Variants in TAS2R1 observed in about 807,000 individuals in gnomAD.
TAS2R1 encodes taste 2 receptor member 1, also known as taste receptor type 2 member 1.
For missense variants in TAS2R1, 370 were observed against 353.4 expected (o/e 1.05, Z -0.38); for synonymous variants, 141 against 134.2 (o/e 1.05, Z -0.35).
At chr5:9,663,128 A>G (rs3846597) in intron 1 of TAS2R1, among the ~76,000 whole-genome samples, 27,946 of 152,118 alleles carry the variant, frequency 0.18, 2,828 homozygotes, top group African/African-American at 0.27. Context: ...TATTATATAT[A>G]AAAACTCATA....
chr5:9,636,936 G>C (rs1739974855), intron 2 of TAS2R1, among the ~76,000 whole-genome samples: 1 of 151,804 alleles, frequency 6.6e-6, no homozygotes, highest in Non-Finnish European at 1.5e-5. Context: ...ATAGTATTGA[G>C]ATGTGAGGTA....
At chr5:9,669,697 A>T (rs549448008) in intron 1 of TAS2R1, among the ~76,000 whole-genome samples, 34 of 152,126 alleles carry the variant, frequency 2.2e-4, no homozygotes, top group Non-Finnish European at 4.6e-4. Context: ...GAAATCAAGA[A>T]ATTCTTTGAA....
the TAS2R1 span, among the ~76,000 whole-genome samples, chr5:9,786,514 C>A: frequency 1.3e-5 from 2 of 152,146 alleles, no homozygotes; most frequent in African/African-American, 2.4e-5. Context: ...ATAGCACGTA[C>A]AATAACACGG....
chr5:9,798,721 A>T, the TAS2R1 span, among the ~76,000 whole-genome samples: 1 of 152,240 alleles, frequency 6.6e-6, no homozygotes, highest in African/African-American at 2.4e-5. Context: ...ACTTTACAAC[A>T]ATTAAATCAG....
At chr5:9,668,939 C>T (rs894542457) in intron 1 of TAS2R1, among the ~76,000 whole-genome samples, 3 of 151,958 alleles carry the variant, frequency 2.0e-5, no homozygotes, top group Admixed American at 1.3e-4. Flanking sequence ...TTTAAATGGG[C>T]TAAACACCTC....
At chr5:9,889,142 G>T in the TAS2R1 span, among the ~76,000 whole-genome samples, 1 of 152,164 alleles carries the variant, frequency 6.6e-6, no homozygotes, top group Non-Finnish European at 1.5e-5. Flanking sequence ...GCAGCACCAG[G>T]GAGGCAGGCA....
the TAS2R1 span, among the ~76,000 whole-genome samples, chr5:9,845,422 G>A: frequency 3.3e-5 from 5 of 152,182 alleles, no homozygotes; most frequent in Admixed American, 2.0e-4. Flanking sequence ...GATATTTGCT[G>A]GATAAATTTG....
chr5:9,750,301 C>T, the TAS2R1 span, among the ~76,000 whole-genome samples: 1 of 152,142 alleles, frequency 6.6e-6, no homozygotes, highest in Admixed American at 6.5e-5. Context: ...TGTAAGACCT[C>T]CCCAGAGTAC....
chr5:9,866,114 C>A, the TAS2R1 span, among the ~76,000 whole-genome samples: 3 of 152,148 alleles, frequency 2.0e-5, no homozygotes, highest in Non-Finnish European at 4.4e-5. Flanking sequence ...TAATATCTCT[C>A]TGGACATATT....
At chr5:9,771,801 T>C in the TAS2R1 span, among the ~76,000 whole-genome samples, 1 of 152,122 alleles carries the variant, frequency 6.6e-6, no homozygotes, top group East Asian at 1.9e-4. Context: ...GGCATATAGT[T>C]GCTCACAGTA....
chr5:9,753,614 T>C, the TAS2R1 span, among the ~76,000 whole-genome samples: 1 of 152,174 alleles, frequency 6.6e-6, no homozygotes, highest in African/African-American at 2.4e-5. Context: ...AGACATGAAG[T>C]CCTTGCCCAT....
chr5:9,893,319 T>C, the TAS2R1 span, among the ~76,000 whole-genome samples: 1 of 151,736 alleles, frequency 6.6e-6, no homozygotes, highest in African/African-American at 2.4e-5. Context: ...TTCTAGTCCA[T>C]GTTTTCTTTT....
chr5:9,771,208 G>A, the TAS2R1 span, among the ~76,000 whole-genome samples: 1 of 151,864 alleles, frequency 6.6e-6, no homozygotes, highest in Non-Finnish European at 1.5e-5. Context: ...GATTGCCAGT[G>A]TGAATCAATC....
At chr5:9,726,695 G>C in the TAS2R1 span, among the ~76,000 whole-genome samples, 2 of 152,188 alleles carry the variant, frequency 1.3e-5, no homozygotes, top group Non-Finnish European at 2.9e-5. Context: ...TTACCGCGAG[G>C]GTCCGCGGCT....
intron 1 of TAS2R1, among the ~76,000 whole-genome samples, chr5:9,698,268 T>C (rs1441556892): frequency 6.6e-6 from 1 of 152,206 alleles, no homozygotes; most frequent in Admixed American, 6.5e-5. Flanking sequence ...AATGTATTTT[T>C]TCCTGGAACT....
the TAS2R1 span, among the ~76,000 whole-genome samples, chr5:9,823,776 G>A: frequency 6.6e-6 from 1 of 152,124 alleles, no homozygotes; most frequent in Admixed American, 6.5e-5. Context: ...ATGCTCCTTT[G>A]GGTACAGTTT....
In TAS2R1 at chr5:9,712,001, AAGAG is replaced by A. The variant is rs1333679283; in HGVS notation, c.-242+167_-242+170del. ...CGTTTTTTTTTTTTCACCACAACAA[AAGAG>A]AGAAAGAGAGAAGGAAGGAAGGAAG... On this transcript the variant is annotated intron_variant, in intron 1 of 2. Coordinates refer to the TAS2R1 transcript ENST00000506620. 6.6e-5 allele frequency among the ~76,000 whole-genome samples: 8 copies of A among 120,848 alleles called. No individual in the cohort carries two copies. In the Admixed American group the frequency reaches 6.8e-4, roughly 10 times the overall value. The allele number at this position is 120,848 out of a possible 152,430, so 79.3% of individuals were successfully genotyped here.
chr5:9,722,557 G>A, the TAS2R1 span, among the ~76,000 whole-genome samples: 1 of 152,176 alleles, frequency 6.6e-6, no homozygotes, highest in African/African-American at 2.4e-5. Context: ...TTCTTAGAAA[G>A]TGAAATGCTA....
chr5:9,812,498 C>A, the TAS2R1 span, among the ~76,000 whole-genome samples: 42 of 151,988 alleles, frequency 2.8e-4, no homozygotes, highest in South Asian at 8.5e-3. Flanking sequence ...AGGAGGAATT[C>A]AACAAAACTA....
Sources: allele counts gnomAD v4.1 joint callset (sites outside exome capture counted in the v4.1 genomes callset), GRCh38; gene constraint gnomAD v4.1.1; transcripts MANE v1.5; gene names NCBI Gene and HGNC (gene_info 2026-07-23, HGNC 2026-07-21).